The following TCF4 variants were observed in gnomAD, a reference collection of about 807,000 sequenced individuals.
TCF4 encodes the protein transcription factor 4.
TCF4 carries 3 observed loss-of-function variants against 82.1 expected under a neutral mutation model. The ratio of observed to expected loss-of-function variants is 0.04; its 90% CI spans 0.02 to 0.09. TCF4 has a LOEUF of 0.09. TCF4 is among the 10% of genes least tolerant of loss of function. The pLI is 1.00. For synonymous variants in TCF4, 276 were observed against 309.6 expected (o/e 0.89, Z 1.14); for missense variants, 518 against 852.7 (o/e 0.61, Z 4.89).
intron 5 of TCF4, chr18:55,422,153 C>T: frequency 1.1e-6 from 1 of 911,338 alleles, no homozygotes; most frequent in Non-Finnish European, 1.3e-6. Context: ...AAAAAACCCA[C>T]CCTGAATAGA....
intron 5 of TCF4, among the ~76,000 whole-genome samples, chr18:55,412,649 G>A (rs186376974): frequency 9.2e-5 from 14 of 152,242 alleles, no homozygotes; most frequent in African/African-American, 1.9e-4. Flanking sequence ...GAGAAAATCC[G>A]GTCCTTTCCC....
chr18:55,293,796 C>G (rs950050349), intron 8 of TCF4, among the ~76,000 whole-genome samples: 5 of 152,030 alleles, frequency 3.3e-5, no homozygotes, highest in Non-Finnish European at 5.9e-5. Context: ...ATAAGCTATT[C>G]AGCTCTTTTT....
intron 5 of TCF4, among the ~76,000 whole-genome samples, chr18:55,434,876 A>G (rs1176518203): frequency 6.6e-6 from 1 of 151,474 alleles, no homozygotes; most frequent in Admixed American, 6.6e-5. Context: ...ATGTGTAATA[A>G]TCATATATGG....
At chr18:55,622,573 G>A (rs1056869434) in intron 2 of TCF4, among the ~76,000 whole-genome samples, 2 of 151,308 alleles carry the variant, frequency 1.3e-5, no homozygotes, top group East Asian at 3.9e-4. Context: ...CTAATTGTAG[G>A]CATCCATTTT....
intron 5 of TCF4, among the ~76,000 whole-genome samples, chr18:55,442,412 G>A (rs190554545): frequency 6.6e-6 from 1 of 152,238 alleles, no homozygotes; most frequent in African/African-American, 2.4e-5. Context: ...GGGGAAGTAG[G>A]TTTTATTTTA....
intron 8 of TCF4, among the ~76,000 whole-genome samples, chr18:55,330,414 G>A (rs1294950791): frequency 2.0e-5 from 3 of 151,944 alleles, no homozygotes; most frequent in Non-Finnish European, 4.4e-5. Flanking sequence ...TCTTGACCTC[G>A]TGATCCGCCT....
upstream of TCF4, chr18:55,589,722 T>A (rs1035868348): frequency 9.4e-5 from 97 of 1,026,526 alleles, no homozygotes; most frequent in Non-Finnish European, 1.1e-4. Flanking sequence ...CACCATGGAC[T>A]CCCCCGTGGA....
intron 1 of TCF4, among the ~76,000 whole-genome samples, chr18:55,634,427 C>T (rs2097734324): frequency 6.6e-6 from 1 of 151,872 alleles, no homozygotes; most frequent in Non-Finnish European, 1.5e-5. Context: ...AACTGAGGCT[C>T]ATGTTGTTTT....
At chr18:55,320,606 C>A (rs890366904) in intron 8 of TCF4, among the ~76,000 whole-genome samples, 10 of 152,164 alleles carry the variant, frequency 6.6e-5, no homozygotes, top group African/African-American at 2.4e-4. Context: ...AATTCGTTTG[C>A]GCCAATTGCT....
rs398041380 is a variant in TCF4, at chr18:55,399,880, TCACACACACACACACA to T, written c.369+3558_369+3573del. ...CTCTCTCTCTCTCTCTCTCTCTCTC[TCACACACACACACACA>T]CACACACACACACACACACACACAC... On this transcript the variant is annotated intron_variant, in intron 6 of 19. Coordinates refer to ENST00000354452, the MANE Select transcript of TCF4 (RefSeq NM_001083962.2). Among the ~76,000 whole-genome samples, 16 of 63,466 alleles carry T rather than the reference TCACACACACACACACA, an allele frequency of 2.5e-4. No individual in the cohort carries two copies. The South Asian group carries it at 2.6e-3, about 10-fold the overall frequency. 41.6% of individuals were successfully genotyped at this position (63,466 alleles called of 152,430 possible).
chr18:55,492,451 G>C (rs1490158569), intron 3 of TCF4, among the ~76,000 whole-genome samples: 1 of 152,164 alleles, frequency 6.6e-6, no homozygotes, highest in African/African-American at 2.4e-5. Flanking sequence ...TGCAGTTCTA[G>C]AAAAGAGAAA....
At chr18:55,616,741 T>G (rs1257657435) in intron 2 of TCF4, among the ~76,000 whole-genome samples, 10 of 152,146 alleles carry the variant, frequency 6.6e-5, no homozygotes, top group Non-Finnish European at 4.4e-5. Flanking sequence ...TCCATTTATA[T>G]GTCTCTTTTT....
intron 3 of TCF4, among the ~76,000 whole-genome samples, chr18:55,536,098 T>C (rs1056478319): frequency 1.3e-5 from 2 of 152,164 alleles, no homozygotes; most frequent in East Asian, 1.9e-4. Context: ...TTTTTCACAA[T>C]TCATGTTTCA....
At chr18:55,328,909 T>G (rs2077037830) in intron 8 of TCF4, among the ~76,000 whole-genome samples, 1 of 152,166 alleles carries the variant, frequency 6.6e-6, no homozygotes, top group Non-Finnish European at 1.5e-5. Context: ...TAACCCTCTT[T>G]GGGGGTGAAG....
Position 55,340,526 on chromosome 18 carries a change from G to C in TCF4, c.549+9833C>G, listed in dbSNP as rs1005559079. Among the ~76,000 whole-genome samples the C allele has an allele frequency of 6.2e-5, 9 of 145,168 alleles. No individual in the cohort carries two copies. In the South Asian group the frequency reaches 1.8e-3, roughly 28 times the overall value. On this transcript the variant is annotated intron_variant, in intron 8 of 19. Coordinates refer to ENST00000354452, the MANE Select transcript of TCF4 (RefSeq NM_001083962.2). ...TTGAGCCTGGGAGTTTGAGACTGCA[G>C]TGAACTATGATTGCACCACTGTACT...
intron 3 of TCF4, among the ~76,000 whole-genome samples, chr18:55,556,850 A>G (rs2097308834): frequency 6.6e-6 from 1 of 152,244 alleles, no homozygotes; most frequent in South Asian, 2.1e-4. Flanking sequence ...AAAACTTAAG[A>G]GAATTCTGTT....
intron 3 of TCF4, among the ~76,000 whole-genome samples, chr18:55,495,128 C>T (rs1603594841): frequency 6.6e-6 from 1 of 152,106 alleles, no homozygotes; most frequent in Non-Finnish European, 1.5e-5. Flanking sequence ...AATTCACAAC[C>T]TGTTTGATTC....
At chr18:55,297,783 A>C (rs895314417) in intron 8 of TCF4, among the ~76,000 whole-genome samples, 7 of 148,764 alleles carry the variant, frequency 4.7e-5, no homozygotes, top group Non-Finnish European at 1.0e-4. Context: ...AGAAGCAAAC[A>C]AAAAAAAAAC....
chr18:55,560,696 C>A (rs1416342340), intron 3 of TCF4, among the ~76,000 whole-genome samples: 2 of 152,158 alleles, frequency 1.3e-5, no homozygotes, highest in Admixed American at 6.6e-5. Flanking sequence ...TACTCCCAGG[C>A]TCTTAAGTAA....
Sources: allele counts gnomAD v4.1 joint callset (sites outside exome capture counted in the v4.1 genomes callset), GRCh38; gene constraint gnomAD v4.1.1; transcripts MANE v1.5; gene names NCBI Gene and HGNC (gene_info 2026-07-23, HGNC 2026-07-21).